Variants in MAGI1 observed in about 807,000 individuals in gnomAD.
MAGI1 encodes membrane associated guanylate kinase, WW and PDZ domain containing 1, also known as membrane-associated guanylate kinase, WW and PDZ domain-containing protein 1.
A neutral mutation model predicts 139.9 loss-of-function variants in MAGI1; 58 were observed. The ratio of observed to expected loss-of-function variants is 0.41; its 90% CI spans 0.34 to 0.52. The LOEUF is 0.52. Among genes scored for constraint, MAGI1 ranks in the 20% least tolerant of loss-of-function variants. The pLI, the probability that MAGI1 is intolerant of heterozygous loss-of-function variation, is 0.12. For missense variants in MAGI1, 1,874 were observed against 1,901.6 expected (o/e 0.99, Z 0.27); for synonymous variants, 812 against 737.9 (o/e 1.10, Z -1.63).
intron 1 of MAGI1, among the ~76,000 whole-genome samples, chr3:65,779,428 T>C (rs2038751792): frequency 6.6e-6 from 1 of 152,244 alleles, no homozygotes. Flanking sequence ...CACTCAACTT[T>C]TTTCCAAAAA....
chr3:65,654,997 C>G (rs575057349), intron 1 of MAGI1, among the ~76,000 whole-genome samples: 1 of 152,226 alleles, frequency 6.6e-6, no homozygotes, highest in Admixed American at 6.5e-5. Flanking sequence ...TTGCCATTAC[C>G]CAATTTATTT....
chr3:65,975,266 T>A (rs921436619), intron 1 of MAGI1, among the ~76,000 whole-genome samples: 2 of 152,184 alleles, frequency 1.3e-5, no homozygotes, highest in Non-Finnish European at 2.9e-5. Context: ...AGAAAGCGAA[T>A]TTCCAAAATT....
chr3:65,609,068 G>A (rs755025869), intron 2 of MAGI1, among the ~76,000 whole-genome samples: 4 of 152,234 alleles, frequency 2.6e-5, no homozygotes, highest in East Asian at 1.9e-4. Context: ...CATCAGAATC[G>A]TGGTTACTTT....
chr3:65,683,113 G>A lies in MAGI1; in HGVS notation c.314-61025C>T, dbSNP rs938974553. On this transcript the variant is annotated intron_variant, in intron 1 of 22. Transcript: ENST00000402939. The stretch of plus-strand genomic sequence containing the variant: ...CAGGGAGTAATGCTTGCTTGCTGCT[G>A]CTCACCTCCAGCTGTGCAGCCCAGT... 7.9e-5 allele frequency among the ~76,000 whole-genome samples: 12 copies of A among 152,052 alleles called. 1 individual carries two copies. The highest frequency in any genetic ancestry group is 6.6e-4 in the Admixed American group (10 of 15,266).
At chr3:65,447,836 C>T (rs181043619) in intron 7 of MAGI1, among the ~76,000 whole-genome samples, 186 bp downstream of exon 7, 3 of 152,232 alleles carry the variant, frequency 2.0e-5, no homozygotes, top group South Asian at 2.1e-4. Flanking sequence ...ACTACAACTC[C>T]GCGTGATGCC....
chr3:65,558,667 GGT>G (rs1418598036), intron 2 of MAGI1, among the ~76,000 whole-genome samples: 1 of 151,754 alleles, frequency 6.6e-6, no homozygotes, highest in East Asian at 1.9e-4. Flanking sequence ...TTTCAAATGG[GGT>G]GCATGCTAAA....
At chr3:65,914,499 A>G (rs2061808741) in intron 1 of MAGI1, among the ~76,000 whole-genome samples, 1 of 152,188 alleles carries the variant, frequency 6.6e-6, no homozygotes, top group African/African-American at 2.4e-5. Context: ...GGGACCTGAG[A>G]GTTCAAGCCA....
chr3:65,469,358 T>C (rs2107576681), intron 5 of MAGI1, among the ~76,000 whole-genome samples: 1 of 152,292 alleles, frequency 6.6e-6, no homozygotes, highest in East Asian at 1.9e-4. Context: ...TTCTCAGTGG[T>C]ACATTAAAAC....
Position 65,921,432 on chromosome 3 carries a change from C to G in MAGI1, c.313+116564G>C, listed in dbSNP as rs528101418. Among the ~76,000 whole-genome samples, 335 of 152,016 alleles carry G rather than the reference C, an allele frequency of 2.2e-3. 1 individual carries two copies. Among genetic ancestry groups the G allele is most frequent in the Middle Eastern group, 0.01 (3 of 294 alleles). ...CAAGTAATTCTCCCATCTCAGCCTC[C>G]CGAGTAGCTGGGACTACAGATATGC... On this transcript the variant is annotated intron_variant, in intron 1 of 22. Coordinates refer to ENST00000402939, the MANE Select transcript of MAGI1 (RefSeq NM_001033057.2).
intron 1 of MAGI1, among the ~76,000 whole-genome samples, chr3:65,835,161 A>C (rs1211095488): frequency 1.3e-5 from 2 of 151,710 alleles, no homozygotes; most frequent in African/African-American, 2.4e-5. Flanking sequence ...TCTTTTCTCC[A>C]ATTTACTTTT....
At chr3:65,570,662 C>T (rs2080914136) in intron 2 of MAGI1, among the ~76,000 whole-genome samples, 1 of 152,134 alleles carries the variant, frequency 6.6e-6, no homozygotes, top group Admixed American at 6.5e-5. Flanking sequence ...AATGGTGATA[C>T]AGATGAAATA....
chr3:65,507,168 A>G (rs771068719), intron 2 of MAGI1, among the ~76,000 whole-genome samples: 3 of 152,236 alleles, frequency 2.0e-5, no homozygotes, highest in Non-Finnish European at 4.4e-5. Context: ...TCTTCATAGT[A>G]TTGAAGAAAA....
chr3:65,452,660 C>G (rs1047189296), intron 6 of MAGI1: 1 of 151,286 alleles, frequency 6.6e-6, no homozygotes, highest in Non-Finnish European at 1.5e-5. Context: ...AAAGCTCTTA[C>G]AGCCAGTTAG....
chr3:65,886,972 T>C (rs1206244188), intron 1 of MAGI1, among the ~76,000 whole-genome samples: 1 of 152,202 alleles, frequency 6.6e-6, no homozygotes, highest in East Asian at 1.9e-4. Flanking sequence ...CATTTCTTAA[T>C]AATTTAAGAA....
intron 1 of MAGI1, among the ~76,000 whole-genome samples, chr3:65,990,161 C>A (rs989486394): frequency 6.6e-6 from 1 of 151,958 alleles, no homozygotes; most frequent in Non-Finnish European, 1.5e-5. Context: ...GTGAGATTAA[C>A]GTGAGGCAGG....
At chr3:65,811,601 C>G (rs569543880) in intron 1 of MAGI1, among the ~76,000 whole-genome samples, 15 of 151,840 alleles carry the variant, frequency 9.9e-5, no homozygotes, top group Middle Eastern at 3.5e-3. Flanking sequence ...AACTGCAGAA[C>G]GAGCTAAGGG....
chr3:65,397,072 G>A (rs990806653), intron 13 of MAGI1, among the ~76,000 whole-genome samples: 1 of 152,218 alleles, frequency 6.6e-6, no homozygotes, highest in African/African-American at 2.4e-5. Flanking sequence ...CAAGGAGACT[G>A]ACTGAAGTGA....
rs544365455 is a variant in MAGI1 at position 65,699,884 on chromosome 3, AT to A, written c.314-77797del. ...CTAAAACTTAAAGTATAATAAAAAA[AT>A]AAAAATTAAAAAAATAAAAAAAAAA... On this transcript the variant is annotated intron_variant, in intron 1 of 22. Coordinates refer to ENST00000402939, the MANE Select transcript of MAGI1 (RefSeq NM_001033057.2). 4.8e-3 allele frequency among the ~76,000 whole-genome samples: 734 copies of A among 151,856 alleles called. 4 individuals are homozygous for A. The highest frequency in any genetic ancestry group is 0.017 in the African/African-American group (693 of 41,456).
intron 1 of MAGI1, among the ~76,000 whole-genome samples, chr3:65,635,367 A>G (rs1301093834): frequency 6.6e-6 from 1 of 152,136 alleles, no homozygotes; most frequent in East Asian, 1.9e-4. Context: ...TCAGCCAATA[A>G]TTATTTTTAA....
Sources: gnomAD v4.1 joint callset for allele counts (sites outside exome capture counted in the v4.1 genomes callset) on GRCh38, gnomAD v4.1.1 for gene constraint, MANE v1.5 for transcripts, NCBI Gene and HGNC (gene_info 2026-07-23, HGNC 2026-07-21) for gene names.